The following CSMD1 variants were observed in gnomAD, a reference collection of about 807,000 sequenced individuals.
The protein encoded by CSMD1 is CUB and sushi domain-containing protein 1.
A neutral mutation model predicts 417.5 loss-of-function variants in CSMD1; 213 were observed. The observed-to-expected ratio is 0.51, with a 90% CI of 0.46 to 0.57. The LOEUF (loss-of-function observed/expected upper bound fraction) is 0.57. Ranked by LOEUF, CSMD1 falls within the 20% of genes least tolerant of loss-of-function variation. CSMD1 has a pLI of 0.00. For missense variants in CSMD1, 6,923 were observed against 4,529.7 expected, an observed-to-expected ratio of 1.53 and a Z score of -15.17; for synonymous variants, 2,862 against 1,736.8, an observed-to-expected ratio of 1.65 and a Z score of -16.11.
At chr8:4,049,025 G>T (rs1424802192) in intron 3 of CSMD1, among the ~76,000 whole-genome samples, 1 of 152,104 alleles carries the variant, frequency 6.6e-6, no homozygotes, top group South Asian at 2.1e-4. Context: ...ACCTTTTCAA[G>T]ACTCACCACC....
chr8:4,221,958 A>G (rs1057263215), intron 3 of CSMD1, among the ~76,000 whole-genome samples: 1 of 152,102 alleles, frequency 6.6e-6, no homozygotes. Context: ...TGTCCAGCAC[A>G]TCCATCTGCA....
chr8:3,614,403 A>C (rs1802038420), intron 8 of CSMD1, among the ~76,000 whole-genome samples: 1 of 152,104 alleles, frequency 6.6e-6, no homozygotes, highest in African/African-American at 2.4e-5. Flanking sequence ...CCTGAATTTA[A>C]ACCTCTTCTT....
chr8:2,938,794 T>A, intron 69 of CSMD1, 50 bp from the exon 70 acceptor site: 1 of 1,515,554 alleles, frequency 6.6e-7, no homozygotes, highest in Non-Finnish European at 9.0e-7. Context: ...CATTTGCAGA[T>A]TTAGCAGCTG....
rs375625699 is a variant in CSMD1 at position 4,679,488 on chromosome 8, C to G, written c.86-41930G>C. 2.0e-5 allele frequency among the ~76,000 whole-genome samples: 3 copies of G among 152,176 alleles called. No homozygotes were observed. The East Asian group carries it at 5.8e-4, about 29-fold the overall frequency. Reference sequence around the variant, plus strand: ...CTCCCTCTATATACCTATCACTATTCTAGAATTTCATGAGTCTAGACTTCG... The same window carrying G: ...CTCCCTCTATATACCTATCACTATTGTAGAATTTCATGAGTCTAGACTTCG... On this transcript the variant is annotated intron_variant, in intron 1 of 69. Transcript: ENST00000635120.
At chr8:4,841,478 A>C (rs1321198685) in intron 1 of CSMD1, among the ~76,000 whole-genome samples, 2 of 152,224 alleles carry the variant, frequency 1.3e-5, no homozygotes, top group African/African-American at 2.4e-5. Flanking sequence ...CTAGCAAAGG[A>C]AATACCACTG....
At position 3,411,655 on chromosome 8, in the gene CSMD1, C is replaced by CAT. The variant is rs1312891735; in HGVS notation, c.1562-2052_1562-2051dup. ...TTATTATCGTTCAGTAGTAGTCCAT[C>CAT]ATATATATATATACGTGTATATATA... is the stretch of plus-strand genomic sequence containing the variant. On this transcript the variant is annotated intron_variant, in intron 12 of 69. Coordinates refer to ENST00000635120, the MANE Select transcript of CSMD1 (RefSeq NM_033225.6). 1.3e-3 allele frequency among the ~76,000 whole-genome samples: 171 copies of CAT among 135,122 alleles called. 5 individuals are homozygous for CAT. The highest frequency in any genetic ancestry group is 3.0e-3 in the East Asian group (14 of 4,600). The allele number at this position is 135,122 out of a possible 152,430, so 88.6% of individuals were successfully genotyped here.
At position 3,062,438 on chromosome 8, in the gene CSMD1, G is replaced by A. The variant is rs147728514; in HGVS notation, c.7475-9791C>T. On this transcript the variant is annotated intron_variant, in intron 49 of 69. Coordinates refer to ENST00000635120, the MANE Select transcript of CSMD1 (RefSeq NM_033225.6). ...ACACCAGCAACAGAAATATTCTTCC[G>A]TTTGTTTGAAAGGATAAAGAAAAGT... Among the ~76,000 whole-genome samples the A allele has an allele frequency of 3.5e-3, 537 of 151,936 alleles. 1 individual carries two copies. The highest frequency in any genetic ancestry group is 0.012 in the African/African-American group (491 of 41,422).
intron 5 of CSMD1, among the ~76,000 whole-genome samples, chr8:3,911,259 C>A (rs1377451005): frequency 6.6e-6 from 1 of 152,026 alleles, no homozygotes; most frequent in Non-Finnish European, 1.5e-5. Context: ...TTCTTTAGGT[C>A]ATTTTTCTTT....
At chr8:4,288,087 C>T (rs968437102) in intron 3 of CSMD1, among the ~76,000 whole-genome samples, 10 of 152,146 alleles carry the variant, frequency 6.6e-5, no homozygotes, top group Non-Finnish European at 8.8e-5. Flanking sequence ...TTTTACTGAG[C>T]CTTAGTTTTA....
chr8:4,127,680 A>T (rs535694893), intron 3 of CSMD1, among the ~76,000 whole-genome samples: 191 of 152,272 alleles, frequency 1.3e-3, no homozygotes, highest in African/African-American at 4.4e-3. Context: ...TAAGGAAGAT[A>T]TTAAATAATA....
At chr8:3,321,973 AG>A (rs1221195564) in intron 23 of CSMD1, among the ~76,000 whole-genome samples, 1 of 152,238 alleles carries the variant, frequency 6.6e-6, no homozygotes, top group Non-Finnish European at 1.5e-5. Context: ...AGTTTCATAA[AG>A]TGTTTTTCTG....
intron 3 of CSMD1, among the ~76,000 whole-genome samples, chr8:4,202,024 G>T (rs1799680764): frequency 6.6e-6 from 1 of 152,110 alleles, no homozygotes; most frequent in Non-Finnish European, 1.5e-5. Context: ...AAGAAACGAG[G>T]ACATTGGAAT....
intron 5 of CSMD1, among the ~76,000 whole-genome samples, chr8:3,785,621 C>A (rs1563077308): frequency 2.0e-5 from 3 of 152,176 alleles, no homozygotes; most frequent in Non-Finnish European, 4.4e-5. Context: ...ATGTTAGAAG[C>A]AAGTTACCAT....
intron 3 of CSMD1, among the ~76,000 whole-genome samples, chr8:4,058,647 C>T (rs1798818971): frequency 6.7e-6 from 1 of 149,160 alleles, no homozygotes; most frequent in Middle Eastern, 3.4e-3. Flanking sequence ...CAATCCTAGT[C>T]TCTGATAAAA....
At position 4,244,508 on chromosome 8, in the gene CSMD1, G is replaced by C. The variant is rs7815448; in HGVS notation, c.415+175445C>G. On this transcript the variant is annotated intron_variant, in intron 3 of 69. Transcript: ENST00000635120. ...GGATAACCTAAAAATAGTTTGAAGA[G>C]TGTTAGCAAGTCAAATAAAATTTTC... Among the ~76,000 whole-genome samples the C allele has an allele frequency of 9.5e-3, 1,444 of 152,170 alleles. 20 individuals carry two copies. Among genetic ancestry groups the C allele is most frequent in the African/African-American group, 0.033 (1,386 of 41,528 alleles).
intron 12 of CSMD1, among the ~76,000 whole-genome samples, chr8:3,427,696 C>T (rs1040605754): frequency 1.3e-5 from 2 of 152,122 alleles, no homozygotes; most frequent in Admixed American, 1.3e-4. Flanking sequence ...CTTTTATCAA[C>T]TTTTTTTCAA....
intron 4 of CSMD1, among the ~76,000 whole-genome samples, chr8:4,019,383 G>A (rs543495607): frequency 1.3e-5 from 2 of 152,234 alleles, no homozygotes; most frequent in Admixed American, 6.5e-5. Context: ...CCGTGAAGCT[G>A]CAAGCATACT....
intron 5 of CSMD1, among the ~76,000 whole-genome samples, chr8:3,991,079 C>T (rs970226804): frequency 6.6e-6 from 1 of 152,200 alleles, no homozygotes; most frequent in Admixed American, 6.5e-5. Flanking sequence ...AATTCCTTCG[C>T]TGCCCAGCGG....
intron 50 of CSMD1, among the ~76,000 whole-genome samples, chr8:3,038,206 T>C (rs543647953): frequency 1.4e-4 from 21 of 152,326 alleles, no homozygotes; most frequent in African/African-American, 4.6e-4. Context: ...AGACCAACAC[T>C]AAATTCACCT....
Sources: allele counts gnomAD v4.1 joint callset (sites outside exome capture counted in the v4.1 genomes callset), GRCh38; gene constraint gnomAD v4.1.1; transcripts MANE v1.5; gene names NCBI Gene and HGNC (gene_info 2026-07-23, HGNC 2026-07-21).